The following CCDC171 variants were observed in gnomAD, a reference collection of about 807,000 sequenced individuals.
The protein encoded by CCDC171 is coiled-coil domain containing 171.
CCDC171 carries 177 observed loss-of-function variants against 168.2 expected under a neutral mutation model. The ratio of observed to expected loss-of-function variants is 1.05; its 90% CI spans 0.93 to 1.19. The LOEUF (loss-of-function observed/expected upper bound fraction) is 1.19, where lower values mean the gene tolerates loss of function less well. Among genes scored for constraint, CCDC171 ranks in the 50% most tolerant of loss-of-function variants. The pLI, the probability that CCDC171 is intolerant of heterozygous loss-of-function variation, is 0.00. For missense variants in CCDC171, 1,991 were observed against 1,539.0 expected (o/e 1.29, Z -4.91); for synonymous variants, 687 against 540.8 (o/e 1.27, Z -3.75).
intron 10 of CCDC171, among the ~76,000 whole-genome samples, chr9:15,693,679 A>G (rs867991680): frequency 6.6e-6 from 1 of 152,218 alleles, no homozygotes; most frequent in Non-Finnish European, 1.5e-5. Flanking sequence ...ACAAACATCA[A>G]TTAATTTTAC....
rs758922425 is a variant in CCDC171, at chr9:15,578,957, G to T, written c.286G>T (p.Gly96Cys). The T allele has an allele frequency of 6.2e-7, 1 of 1,614,004 alleles. No individual in the cohort carries two copies. The highest frequency in any genetic ancestry group is 8.5e-7 in the Non-Finnish European group (1 of 1,179,926). ...CCTAGCTGTTGCTAGAAAGGAAGCT[G>T]GTCTTGGAAGACGGGCTGCTGAAGA... ...YDLAVARKEA[G>C]LGRRAAEERL... Residue 96 changes from glycine to cysteine, a missense_variant, in exon 4 of 26, where the codon GGT becomes TGT. Physicochemically the swap from Gly to Cys is radical, Grantham distance 159 (BLOSUM62 -3). Transcript: ENST00000380701.
intron 7 of CCDC171, among the ~76,000 whole-genome samples, chr9:15,651,967 G>A (rs1379956633): frequency 6.6e-6 from 1 of 152,040 alleles, no homozygotes; most frequent in African/African-American, 2.4e-5. Context: ...GAGTGCAGTG[G>A]CATGATCTCA....
At chr9:15,900,232 T>C (rs1275244477) in intron 24 of CCDC171, among the ~76,000 whole-genome samples, 1 of 152,192 alleles carries the variant, frequency 6.6e-6, no homozygotes. Context: ...AGGTGACTCC[T>C]TTCAAGAAGC....
intron 6 of CCDC171, among the ~76,000 whole-genome samples, chr9:15,607,823 T>G (rs892464302): frequency 6.6e-6 from 1 of 152,214 alleles, no homozygotes; most frequent in South Asian, 2.1e-4. Context: ...TCAGTTTAAC[T>G]GCTGTATAAT....
chr9:16,035,688 G>T (rs1047582466), intron 7 of CCDC171, among the ~76,000 whole-genome samples: 10 of 152,116 alleles, frequency 6.6e-5, no homozygotes, highest in African/African-American at 1.9e-4. Flanking sequence ...TAGCTTTCTG[G>T]CTCTCTGAAC....
chr9:15,710,614 T>TTGAGA (rs1438561930), intron 11 of CCDC171, among the ~76,000 whole-genome samples: 1 of 151,814 alleles, frequency 6.6e-6, no homozygotes, highest in East Asian at 1.9e-4. Context: ...TTTCATTTTT[T>TTGAGA]TGAGATGGAG....
At chr9:15,752,605 A>G (rs560964029) in intron 18 of CCDC171, among the ~76,000 whole-genome samples, 2 of 152,330 alleles carry the variant, frequency 1.3e-5, no homozygotes, top group South Asian at 4.1e-4. Flanking sequence ...TCATGGATGA[A>G]GGTGGAAACC....
intron 11 of CCDC171, among the ~76,000 whole-genome samples, chr9:15,700,953 T>C (rs1423925667): frequency 1.3e-5 from 2 of 152,170 alleles, no homozygotes; most frequent in African/African-American, 2.4e-5. Context: ...TGAGATGATA[T>C]CTCATTGTGC....
intron 25 of CCDC171, 46 bp from the exon 26 acceptor site, chr9:15,971,563 A>G: frequency 7.4e-7 from 1 of 1,342,548 alleles, no homozygotes; most frequent in Non-Finnish European, 1.1e-6. Flanking sequence ...TCTATTTGAG[A>G]GTTTTCAACT....
chr9:15,763,023 G>A (rs573716244), intron 18 of CCDC171, among the ~76,000 whole-genome samples: 25 of 152,270 alleles, frequency 1.6e-4, no homozygotes, highest in East Asian at 1.5e-3. Context: ...CTACAAATTC[G>A]TGGTCCACAT....
intron 18 of CCDC171, among the ~76,000 whole-genome samples, chr9:15,769,276 T>C (rs2056890962): frequency 6.6e-6 from 1 of 152,192 alleles, no homozygotes; most frequent in Non-Finnish European, 1.5e-5. Flanking sequence ...GATGTAGCTT[T>C]CTTGTTAATT....
chr9:15,623,450 C>T (rs909336923), intron 7 of CCDC171, 37 bp downstream of exon 7: 12 of 1,377,394 alleles, frequency 8.7e-6, no homozygotes, highest in African/African-American at 1.5e-5. Flanking sequence ...TATATGCGTA[C>T]AAACTTTCAC....
the CCDC171 span, among the ~76,000 whole-genome samples, chr9:16,087,843 A>G: frequency 6.6e-6 from 1 of 151,992 alleles, no homozygotes; most frequent in African/African-American, 2.4e-5. Flanking sequence ...CATAGTGTCA[A>G]TGGTCATTAT....
upstream of CCDC171, among the ~76,000 whole-genome samples, chr9:16,038,881 A>AG (rs1833522979): frequency 7.4e-6 from 1 of 135,088 alleles, no homozygotes; most frequent in Non-Finnish European, 1.6e-5. Flanking sequence ...AAAAAAAAAA[A>AG]AAAGCTGAAT....
intron 21 of CCDC171, among the ~76,000 whole-genome samples, chr9:15,822,638 C>T (rs1299421355): frequency 6.6e-6 from 1 of 152,082 alleles, no homozygotes; most frequent in Non-Finnish European, 1.5e-5. Context: ...CAGTGAGATA[C>T]CATCTCACAG....
chr9:16,050,682 G>C (rs1833737517), intron 1 of CCDC171, among the ~76,000 whole-genome samples: 1 of 152,204 alleles, frequency 6.6e-6, no homozygotes, highest in African/African-American at 2.4e-5. Context: ...TTGTATATGA[G>C]CATTGCACAT....
Position 15,779,106 on chromosome 9 carries a change from A to G in CCDC171, c.3037A>G (p.Lys1013Glu). Residue 1013 changes from lysine to glutamate, a missense_variant, in exon 20 of 26, where the codon AAA becomes GAA. Transcript: ENST00000380701. ...GAATGAAATGAAAAAGGAGCTTGAC[A>G]AAGCCCAGGGTCTGCAAATGCAATT... Reference protein sequence around the residue: ...SVNEMKKELDKAQGLQMQLNE... With the variant: ...SVNEMKKELDEAQGLQMQLNE... The G allele has an allele frequency of 1.2e-6, 2 of 1,600,744 alleles. No homozygotes were observed. Among genetic ancestry groups the G allele is most frequent in the Non-Finnish European group, 1.7e-6 (2 of 1,174,562 alleles).
At chr9:15,828,488 T>G in intron 21 of CCDC171, among the ~76,000 whole-genome samples, 1 of 152,302 alleles carries the variant, frequency 6.6e-6, no homozygotes, top group South Asian at 2.1e-4. Flanking sequence ...TTTTTAGATT[T>G]ATATGTAGGA....
At chr9:15,567,485 G>A (rs1465232329) in intron 2 of CCDC171, among the ~76,000 whole-genome samples, 2 of 152,110 alleles carry the variant, frequency 1.3e-5, no homozygotes, top group Admixed American at 1.3e-4. Context: ...ATGTCTGTTG[G>A]GGTTTTAATA....
Sources: gnomAD v4.1 joint callset for allele counts (sites outside exome capture counted in the v4.1 genomes callset) on GRCh38, gnomAD v4.1.1 for gene constraint, MANE v1.5 for transcripts, NCBI Gene and HGNC (gene_info 2026-07-23, HGNC 2026-07-21) for gene names.